The following PDE7B variants were observed in gnomAD, a reference collection of about 807,000 sequenced individuals.
PDE7B encodes the protein 3',5'-cyclic-AMP phosphodiesterase 7B.
In PDE7B, 29 loss-of-function variants were observed where a neutral mutation model predicts 56.2. The observed-to-expected ratio is 0.52, with a 90% CI of 0.38 to 0.70. PDE7B has a LOEUF of 0.70. PDE7B is among the 30% of genes least tolerant of loss of function. The probability of loss-of-function intolerance (pLI) is 0.00; values close to 1 mark genes in which losing one functional copy is unlikely to be tolerated. For synonymous variants in PDE7B, 197 were observed against 196.9 expected, an observed-to-expected ratio of 1.00 and a Z score of 0.00; for missense variants, 490 against 565.0, an observed-to-expected ratio of 0.87 and a Z score of 1.35.
intron 3 of PDE7B, among the ~76,000 whole-genome samples, chr6:136,141,231 T>C (rs1023533372): frequency 6.6e-6 from 1 of 152,208 alleles, no homozygotes; most frequent in African/African-American, 2.4e-5. Flanking sequence ...AATCATGTAG[T>C]TTTTGTCTTT....
intron 2 of PDE7B, among the ~76,000 whole-genome samples, chr6:136,098,965 C>T (rs557926854): frequency 6.7e-6 from 1 of 149,336 alleles, no homozygotes; most frequent in East Asian, 2.0e-4. Context: ...GTGATGTTCC[C>T]CTCCCTGTGT....
At chr6:136,014,836 A>G (rs1187706767) in intron 2 of PDE7B, among the ~76,000 whole-genome samples, 2 of 152,172 alleles carry the variant, frequency 1.3e-5, no homozygotes, top group African/African-American at 2.4e-5. Flanking sequence ...TTATTTTTCC[A>G]TCAATTCAGA....
intron 2 of PDE7B, among the ~76,000 whole-genome samples, chr6:135,988,543 A>G (rs1194659071): frequency 6.6e-6 from 1 of 152,220 alleles, no homozygotes; most frequent in East Asian, 1.9e-4. Context: ...GTATAGGTAT[A>G]GAAGAGAGAA....
At chr6:135,925,321 C>A (rs1774164987) in intron 1 of PDE7B, among the ~76,000 whole-genome samples, 1 of 151,960 alleles carries the variant, frequency 6.6e-6, no homozygotes, top group Non-Finnish European at 1.5e-5. Flanking sequence ...CAGTTGAAAT[C>A]CCTCACATTA....
At chr6:136,012,979 T>C (rs1775918720) in intron 2 of PDE7B, among the ~76,000 whole-genome samples, 1 of 152,098 alleles carries the variant, frequency 6.6e-6, no homozygotes. Context: ...AAGGATTTCA[T>C]CCAATATAAC....
chr6:135,951,820 A>G (rs902841871), intron 2 of PDE7B, among the ~76,000 whole-genome samples: 4 of 152,148 alleles, frequency 2.6e-5, no homozygotes, highest in Non-Finnish European at 5.9e-5. Context: ...AGAATGTACA[A>G]TAAGCACTTT....
intron 1 of PDE7B, among the ~76,000 whole-genome samples, chr6:135,889,026 A>C (rs1775759729): frequency 6.6e-6 from 1 of 152,194 alleles, no homozygotes; most frequent in South Asian, 2.1e-4. Context: ...TTTGAGCAGA[A>C]ATTCAGTTCT....
chr6:135,958,353 AC>A (rs2128201025), intron 2 of PDE7B, among the ~76,000 whole-genome samples: 1 of 152,324 alleles, frequency 6.6e-6, no homozygotes, highest in Non-Finnish European at 1.5e-5. Context: ...ATCTTTGTAT[AC>A]ATCAAACTGT....
At chr6:136,031,753 A>G (rs1387987499) in intron 2 of PDE7B, among the ~76,000 whole-genome samples, 1 of 151,670 alleles carries the variant, frequency 6.6e-6, no homozygotes, top group African/African-American at 2.4e-5. Flanking sequence ...AAAAAAAAAA[A>G]AAAAGAAGGC....
intron 1 of PDE7B, among the ~76,000 whole-genome samples, chr6:135,873,428 T>C (rs1195399815): frequency 6.6e-6 from 1 of 152,102 alleles, no homozygotes; most frequent in Non-Finnish European, 1.5e-5. Flanking sequence ...GTCTTGTGAG[T>C]AGTTTTATTT....
At chr6:136,105,589 ATAT>A (rs1206453804) in intron 2 of PDE7B, among the ~76,000 whole-genome samples, 1 of 152,236 alleles carries the variant, frequency 6.6e-6, no homozygotes, top group South Asian at 2.1e-4. Context: ...GTTATCTACC[ATAT>A]TATTTTCACA....
intron 1 of PDE7B, among the ~76,000 whole-genome samples, chr6:135,878,064 C>A (rs1399927191): frequency 6.6e-6 from 1 of 152,158 alleles, no homozygotes; most frequent in Non-Finnish European, 1.5e-5. Context: ...GAAATCCTGG[C>A]AGTTCCAAGT....
chr6:136,109,073 G>A (rs182141817), intron 3 of PDE7B, among the ~76,000 whole-genome samples: 621 of 152,290 alleles, frequency 4.1e-3, no homozygotes, highest in Non-Finnish European at 7.3e-3. Flanking sequence ...CTCTGGCCAG[G>A]CATGGTGGCT....
At chr6:136,019,475 A>T (rs976497239) in intron 2 of PDE7B, among the ~76,000 whole-genome samples, 2 of 152,188 alleles carry the variant, frequency 1.3e-5, no homozygotes, top group African/African-American at 4.8e-5. Context: ...AGCCACAGAT[A>T]CACAAAACAG....
intron 11 of PDE7B, 63 bp downstream of exon 11, chr6:136,181,386 T>A (rs1779062323): frequency 1.0e-6 from 1 of 994,936 alleles, no homozygotes; most frequent in African/African-American, 1.6e-5. Flanking sequence ...TTTATCCTAA[T>A]AAAACAGGAA....
At chr6:135,873,912 T>G (rs1376766692) in intron 1 of PDE7B, among the ~76,000 whole-genome samples, 1 of 152,180 alleles carries the variant, frequency 6.6e-6, no homozygotes. Context: ...TATTGGGAAC[T>G]ACTAAGCTAG....
At chr6:136,103,627 C>A (rs569571462) in intron 2 of PDE7B, among the ~76,000 whole-genome samples, 1 of 152,292 alleles carries the variant, frequency 6.6e-6, no homozygotes, top group South Asian at 2.1e-4. Flanking sequence ...TCTTTCCCAC[C>A]ATATTTGGGC....
chr6:136,052,814 A>C (rs1776655697), intron 2 of PDE7B, among the ~76,000 whole-genome samples: 1 of 152,132 alleles, frequency 6.6e-6, no homozygotes, highest in South Asian at 2.1e-4. Flanking sequence ...AAGGTGCTCT[A>C]ACTAACTCAT....
At position 136,192,052 on chromosome 6, in the gene PDE7B, G is replaced by A. The variant is rs915355312; in HGVS notation, c.*212G>A. The A allele has an allele frequency of 1.7e-6, 1 of 577,898 alleles. No homozygotes were observed. The allele number at this position is 577,898 out of a possible 1,614,324, so 35.8% of individuals were successfully genotyped here. On this transcript the variant is annotated 3_prime_UTR_variant, in exon 13 of 13. Transcript: ENST00000308191. ...ACCTCAGCATTCGCTGCCGAAATGA[G>A]CAACTCCATTCAGTAACGTGGGAGC...
Sources: gnomAD v4.1 joint callset for allele counts (sites outside exome capture counted in the v4.1 genomes callset) on GRCh38, gnomAD v4.1.1 for gene constraint, MANE v1.5 for transcripts, NCBI Gene and HGNC (gene_info 2026-07-23, HGNC 2026-07-21) for gene names.